The following UBE2E2 variants were observed in gnomAD, a reference collection of about 807,000 sequenced individuals.
UBE2E2 encodes the protein ubiquitin-conjugating enzyme E2 E2.
In UBE2E2, 6 loss-of-function variants were observed where a neutral mutation model predicts 24.7. The observed-to-expected ratio is 0.24, with a 90% CI of 0.13 to 0.48. UBE2E2 has a LOEUF of 0.48. Ranked by LOEUF, UBE2E2 falls within the 20% of genes least tolerant of loss-of-function variation. The pLI, the probability that UBE2E2 is intolerant of heterozygous loss-of-function variation, is 0.99. For synonymous variants in UBE2E2, 104 were observed against 83.6 expected, an observed-to-expected ratio of 1.24 and a Z score of -1.33; for missense variants, 169 against 245.0, an observed-to-expected ratio of 0.69 and a Z score of 2.07.
chr3:23,244,342 T>TATA (rs775969984), intron 3 of UBE2E2, among the ~76,000 whole-genome samples: 5,149 of 152,224 alleles, frequency 0.034, 311 homozygotes, highest in African/African-American at 0.12. Flanking sequence ...AAAGATAGAT[T>TATA]AGTGTCTAGC....
chr3:23,300,862 A>G (rs1275425244), intron 3 of UBE2E2, among the ~76,000 whole-genome samples: 4 of 152,186 alleles, frequency 2.6e-5, no homozygotes, highest in African/African-American at 9.6e-5. Context: ...TCTCCTGGAT[A>G]ATATCCTGTA....
intron 5 of UBE2E2, among the ~76,000 whole-genome samples, chr3:23,534,455 A>G (rs1650160254): frequency 6.6e-6 from 1 of 152,210 alleles, no homozygotes; most frequent in Non-Finnish European, 1.5e-5. Context: ...TATTGATAGT[A>G]AGAACAAGCC....
intron 3 of UBE2E2, among the ~76,000 whole-genome samples, chr3:23,409,125 T>TAATA (rs1697439117): frequency 6.6e-6 from 1 of 152,168 alleles, no homozygotes; most frequent in South Asian, 2.1e-4. Context: ...TTCTCAGGAA[T>TAATA]AATAGAATGT....
chr3:23,293,521 T>TA (rs1321810636), intron 3 of UBE2E2, among the ~76,000 whole-genome samples: 2 of 152,268 alleles, frequency 1.3e-5, no homozygotes, highest in Admixed American at 1.3e-4. Flanking sequence ...GGTCTTACGT[T>TA]AAAAAAATGA....
rs79649271 is a variant in UBE2E2, at chr3:23,270,719, C to G, written c.227+53407C>G. ...GGGTTATTACTGGCATCTGATATTT[C>G]TAGCTTCCTGTGTGAGAAAGTGCTC... On this transcript the variant is annotated intron_variant, in intron 3 of 5. Coordinates refer to ENST00000396703, the MANE Select transcript of UBE2E2 (RefSeq NM_152653.4). 8.4e-3 allele frequency among the ~76,000 whole-genome samples: 1,281 copies of G among 152,302 alleles called. 12 individuals carry two copies. Among genetic ancestry groups the G allele is most frequent in the African/African-American group, 0.029 (1,216 of 41,556 alleles).
chr3:23,437,641 A>G (rs923595138), intron 3 of UBE2E2, among the ~76,000 whole-genome samples: 2 of 152,190 alleles, frequency 1.3e-5, no homozygotes, highest in African/African-American at 2.4e-5. Flanking sequence ...AATCACCATG[A>G]ACACTTTCCT....
intron 5 of UBE2E2, among the ~76,000 whole-genome samples, chr3:23,543,466 G>A (rs1254823540): frequency 6.6e-6 from 1 of 151,404 alleles, no homozygotes; most frequent in Non-Finnish European, 1.5e-5. Context: ...TACAATAGCT[G>A]CAAAAATAAA....
chr3:23,231,203 T>A (rs986367405), intron 3 of UBE2E2, among the ~76,000 whole-genome samples: 2 of 152,220 alleles, frequency 1.3e-5, no homozygotes, highest in Non-Finnish European at 2.9e-5. Context: ...CCATAGATTG[T>A]GACTCATTTT....
At position 23,591,776 on chromosome 3, in the gene UBE2E2, C is replaced by A. The variant is rs1189596672; in HGVS notation, c.*1945C>A. The stretch of plus-strand genomic sequence containing the variant: ...TTCTTTCTTTAACATAAAATAAATT[C>A]AATATGGTACAACACTGATTTTTGG... On this transcript the variant is annotated 3_prime_UTR_variant, in exon 6 of 6. Transcript: ENST00000396703. The A allele has an allele frequency of 6.6e-6, 1 of 152,126 alleles. No individual in the cohort carries two copies. Among genetic ancestry groups the A allele is most frequent in the Non-Finnish European group, 1.5e-5 (1 of 68,026 alleles). 9.4% of individuals were successfully genotyped at this position (152,126 alleles called of 1,614,324 possible).
intron 3 of UBE2E2, among the ~76,000 whole-genome samples, chr3:23,279,648 G>A (rs1698444575): frequency 6.6e-6 from 1 of 152,190 alleles, no homozygotes. Flanking sequence ...GTCTATAGCT[G>A]CTTATCAGGA....
At chr3:23,305,605 G>C (rs1179960596) in intron 3 of UBE2E2, among the ~76,000 whole-genome samples, 7 of 152,190 alleles carry the variant, frequency 4.6e-5, no homozygotes, top group Non-Finnish European at 7.3e-5. Context: ...TCCCTGAAAA[G>C]GTCTCTGGGA....
intron 3 of UBE2E2, among the ~76,000 whole-genome samples, chr3:23,272,987 G>T (rs1698287161): frequency 6.6e-6 from 1 of 152,078 alleles, no homozygotes; most frequent in African/African-American, 2.4e-5. Flanking sequence ...GCCATCAACT[G>T]ATTGGATAAG....
chr3:23,457,188 A>G (rs992118388), intron 3 of UBE2E2, among the ~76,000 whole-genome samples: 1 of 152,156 alleles, frequency 6.6e-6, no homozygotes, highest in Admixed American at 6.5e-5. Context: ...CGTGTATAGA[A>G]AATGGGGGCT....
chr3:23,260,870 C>G (rs528999891), intron 3 of UBE2E2, among the ~76,000 whole-genome samples: 30 of 152,206 alleles, frequency 2.0e-4, no homozygotes, highest in Non-Finnish European at 4.1e-4. Context: ...ATTTGAGAGG[C>G]TGAGGTGGGC....
intron 4 of UBE2E2, among the ~76,000 whole-genome samples, chr3:23,524,395 C>T (rs913663664): frequency 6.6e-6 from 1 of 152,172 alleles, no homozygotes; most frequent in African/African-American, 2.4e-5. Context: ...CATTGGATTC[C>T]TGCTGAGTGC....
chr3:23,404,430 A>G (rs1697307867), intron 3 of UBE2E2, among the ~76,000 whole-genome samples: 1 of 152,158 alleles, frequency 6.6e-6, no homozygotes, highest in South Asian at 2.1e-4. Flanking sequence ...CTTGTTACTC[A>G]TAGCCCATAA....
chr3:23,475,479 C>T (rs1039619879), intron 3 of UBE2E2, among the ~76,000 whole-genome samples: 3 of 151,946 alleles, frequency 2.0e-5, no homozygotes, highest in African/African-American at 7.3e-5. Flanking sequence ...ACTATAAAGC[C>T]CTGTAACTGG....
At chr3:23,303,351 T>C (rs1337322583) in intron 3 of UBE2E2, among the ~76,000 whole-genome samples, 1 of 152,142 alleles carries the variant, frequency 6.6e-6, no homozygotes, top group Non-Finnish European at 1.5e-5. Flanking sequence ...GCTTGAATTA[T>C]CCGGAAACCA....
intron 3 of UBE2E2, among the ~76,000 whole-genome samples, chr3:23,417,181 C>T (rs1029789572): frequency 9.2e-5 from 14 of 152,298 alleles, no homozygotes; most frequent in Non-Finnish European, 1.2e-4. Context: ...TCCTCATCTT[C>T]GTGGATTTAC....
Sources: allele counts gnomAD v4.1 joint callset (sites outside exome capture counted in the v4.1 genomes callset), GRCh38; gene constraint gnomAD v4.1.1; transcripts MANE v1.5; gene names NCBI Gene and HGNC (gene_info 2026-07-23, HGNC 2026-07-21).